The following ARPP21 variants were observed in gnomAD, a reference collection of about 807,000 sequenced individuals.
ARPP21 encodes cAMP-regulated phosphoprotein 21.
A neutral mutation model predicts 113.2 loss-of-function variants in ARPP21; 69 were observed. The ratio of observed to expected loss-of-function variants is 0.61; its 90% CI spans 0.50 to 0.74. ARPP21 has a LOEUF of 0.74. Among genes scored for constraint, ARPP21 ranks in the 30% least tolerant of loss-of-function variants. The pLI is 0.00. For missense variants in ARPP21, 1,070 were observed against 1,037.4 expected, an observed-to-expected ratio of 1.03 and a Z score of -0.43; for synonymous variants, 368 against 375.5, an observed-to-expected ratio of 0.98 and a Z score of 0.23.
At position 35,754,695 on chromosome 3, in the gene ARPP21, G is replaced by T. The variant is rs184059792; in HGVS notation, c.2137+10730G>T. ...CACATTCCCAAAAACGGTATAGATG[G>T]CCAGGTTCTCTCTATCCCCTAGGAG... On this transcript the variant is annotated intron_variant, in intron 19 of 20. Coordinates refer to ENST00000684406, the MANE Select transcript of ARPP21 (RefSeq NM_001385562.1). Among the ~76,000 whole-genome samples the T allele has an allele frequency of 5.3e-5, 8 of 151,928 alleles. No individual in the cohort carries two copies. The East Asian group carries it at 1.4e-3, about 26-fold the overall frequency.
chr3:35,737,155 A>G, intron 15 of ARPP21, 23 bp from the exon 16 acceptor site: 5 of 1,477,924 alleles, frequency 3.4e-6, no homozygotes, highest in Non-Finnish European at 4.7e-6. Context: ...GCTTACCTGG[A>G]CTAAGTTCTG....
chr3:35,778,022 TC>T (rs2151659055), intron 19 of ARPP21, among the ~76,000 whole-genome samples: 1 of 152,298 alleles, frequency 6.6e-6, no homozygotes, highest in East Asian at 1.9e-4. Context: ...GCTGAAGCAG[TC>T]ATGCTAAGTG....
Position 35,651,418 on chromosome 3 carries a change from C to A in ARPP21, c.-213+11020C>A, listed in dbSNP as rs569204463. Among the ~76,000 whole-genome samples, 4 of 152,102 alleles carry A rather than the reference C, an allele frequency of 2.6e-5. No individual in the cohort carries two copies. In the East Asian group the frequency reaches 7.7e-4, roughly 29 times the overall value. On this transcript the variant is annotated intron_variant, in intron 1 of 20. Transcript: ENST00000684406. ...GTTTATAATTTCCATTATTTAATGA[C>A]ACTTTTTTGTATAATATTCATGCAT...
At chr3:35,705,916 A>C (rs2088809729) in intron 9 of ARPP21, among the ~76,000 whole-genome samples, 1 of 152,176 alleles carries the variant, frequency 6.6e-6, no homozygotes, top group Admixed American at 6.5e-5. Context: ...TATACACTTA[A>C]ACTACTTCTT....
chr3:35,735,287 AT>A (rs751713067), intron 15 of ARPP21, among the ~76,000 whole-genome samples: 2 of 151,332 alleles, frequency 1.3e-5, no homozygotes, highest in Non-Finnish European at 3.0e-5. Context: ...AATTTTTTGT[AT>A]TTTTTTTAGA....
chr3:35,717,206 T>A, intron 12 of ARPP21, 92 bp from the exon 13 acceptor site: 1 of 697,106 alleles, frequency 1.4e-6, no homozygotes, highest in Non-Finnish European at 2.6e-6. Flanking sequence ...ATGGGATTGA[T>A]TTGTGCTGTA....
intron 1 of ARPP21, among the ~76,000 whole-genome samples, chr3:35,672,234 G>A (rs1262476758): frequency 6.6e-6 from 1 of 151,726 alleles, no homozygotes; most frequent in Non-Finnish European, 1.5e-5. Context: ...TCCTTTCCCC[G>A]GTATCCTATC....
chr3:35,728,818 T>C (rs79167042), intron 14 of ARPP21, among the ~76,000 whole-genome samples: 2 of 152,318 alleles, frequency 1.3e-5, no homozygotes, highest in East Asian at 3.9e-4. Context: ...TTCAGCTGTA[T>C]AGGTGTCGGA....
intron 19 of ARPP21, among the ~76,000 whole-genome samples, chr3:35,765,574 A>G (rs1239321406): frequency 6.6e-6 from 1 of 152,148 alleles, no homozygotes; most frequent in South Asian, 2.1e-4. Flanking sequence ...CCAAGGAACA[A>G]AACTCCACCA....
intron 19 of ARPP21, among the ~76,000 whole-genome samples, chr3:35,780,605 A>G (rs141596970): frequency 6.6e-6 from 1 of 152,256 alleles, no homozygotes; most frequent in Non-Finnish European, 1.5e-5. Flanking sequence ...GGGCTAAACA[A>G]TAGGAATTCA....
intron 19 of ARPP21, among the ~76,000 whole-genome samples, chr3:35,772,380 C>T (rs1163478370): frequency 1.3e-5 from 2 of 152,108 alleles, no homozygotes; most frequent in African/African-American, 4.8e-5. Context: ...CAGTTTAGCC[C>T]AGGCCCCTAG....
chr3:35,692,933 T>C (rs940607935), intron 9 of ARPP21, among the ~76,000 whole-genome samples: 4 of 151,746 alleles, frequency 2.6e-5, no homozygotes, highest in African/African-American at 9.7e-5. Flanking sequence ...TCCTTGTGTT[T>C]CCTGCAAGTT....
intron 11 of ARPP21, among the ~76,000 whole-genome samples, chr3:35,713,086 G>A (rs1559711525): frequency 6.6e-6 from 1 of 152,138 alleles, no homozygotes; most frequent in Non-Finnish European, 1.5e-5. Flanking sequence ...ATGTGGGAGA[G>A]AACTCTATAA....
chr3:35,755,541 T>C (rs967542097), intron 19 of ARPP21, among the ~76,000 whole-genome samples: 1 of 152,098 alleles, frequency 6.6e-6, no homozygotes, highest in African/African-American at 2.4e-5. Context: ...CATTATGAGA[T>C]AGGACACTTC....
chr3:35,781,197 T>C (rs2096519443), intron 19 of ARPP21, among the ~76,000 whole-genome samples: 1 of 152,200 alleles, frequency 6.6e-6, no homozygotes, highest in Admixed American at 6.5e-5. Flanking sequence ...TTATGACCAC[T>C]TAAAAATACT....
At chr3:35,684,445 A>C (rs1327662347) in intron 5 of ARPP21, 1 of 979,858 alleles carries the variant, frequency 1.0e-6, no homozygotes, top group Non-Finnish European at 1.2e-6. Flanking sequence ...GGTTATAAAA[A>C]TTTAAATTTA....
intron 1 of ARPP21, among the ~76,000 whole-genome samples, chr3:35,659,111 G>A (rs1464853876): frequency 6.6e-6 from 1 of 152,154 alleles, no homozygotes; most frequent in East Asian, 1.9e-4. Context: ...CATGAGCTAT[G>A]TATATTGCAA....
chr3:35,759,552 T>C (rs1362266651), intron 19 of ARPP21, among the ~76,000 whole-genome samples: 1 of 152,070 alleles, frequency 6.6e-6, no homozygotes, highest in African/African-American at 2.4e-5. Flanking sequence ...AGTTTGCCAA[T>C]ATATTTACTG....
In ARPP21 at chr3:35,692,225, A is replaced by G. The variant is rs74785563; in HGVS notation, c.686+1220A>G. ...TCATTCAGTCCTGTAGTTGCATTCT[A>G]CTGTGTTAGCAAAACACATTTTAAA... On this transcript the variant is annotated intron_variant, in intron 9 of 20. Transcript: ENST00000684406. Among the ~76,000 whole-genome samples, 667 of 151,872 alleles carry G rather than the reference A, an allele frequency of 4.4e-3. 2 individuals are homozygous for G. Among genetic ancestry groups the G allele is most frequent in the Middle Eastern group, 0.017 (5 of 294 alleles).
Sources: allele counts gnomAD v4.1 joint callset (sites outside exome capture counted in the v4.1 genomes callset), GRCh38; gene constraint gnomAD v4.1.1; transcripts MANE v1.5; gene names NCBI Gene and HGNC (gene_info 2026-07-23, HGNC 2026-07-21).